The following ATXN1 variants were observed in gnomAD, a reference collection of about 807,000 sequenced individuals.
ATXN1 encodes ataxin-1.
Under a neutral mutation model 56.4 loss-of-function variants are expected in ATXN1, and 8 were observed. The observed-to-expected ratio is 0.14, with a 90% confidence interval of 0.08 to 0.26. ATXN1 has a LOEUF of 0.26. Ranked by LOEUF, ATXN1 falls within the 10% of genes least tolerant of loss-of-function variation. The pLI is 1.00. For missense variants in ATXN1, 987 were observed against 1,106.5 expected (o/e 0.89, Z 1.53); for synonymous variants, 514 against 494.6 (o/e 1.04, Z -0.52).
At position 16,760,875 on chromosome 6, in the gene ATXN1, A is replaced by G. The variant is rs1356420883; in HGVS notation, c.-730+423T>C. Among the ~76,000 whole-genome samples the G allele has an allele frequency of 6.8e-6, 1 of 146,060 alleles. No individual in the cohort carries two copies. Among genetic ancestry groups the G allele is most frequent in the African/African-American group, 2.5e-5 (1 of 39,638 alleles). ...GAGGACATGGCTCTCCGCACTTGCG[A>G]CCGGACCAGCAGCCGGGGGAGCGGG... On this transcript the variant is annotated intron_variant, in intron 1 of 7. Transcript: ENST00000436367. The surrounding 1 kb of genome is among the most constrained non-coding windows in gnomAD (Gnocchi z 5.3).
intron 4 of ATXN1, among the ~76,000 whole-genome samples, chr6:16,557,638 A>T (rs1327975141): frequency 6.6e-6 from 1 of 152,252 alleles, no homozygotes; most frequent in Non-Finnish European, 1.5e-5. Flanking sequence ...AAAGTAAAAC[A>T]GTGTGCATGG....
chr6:16,553,713 T>C (rs529144407), intron 4 of ATXN1, among the ~76,000 whole-genome samples: 3 of 152,324 alleles, frequency 2.0e-5, no homozygotes, highest in South Asian at 2.1e-4. Flanking sequence ...TGTTACCGCA[T>C]GGGCCCTCAC....
intron 2 of ATXN1, among the ~76,000 whole-genome samples, chr6:16,658,570 G>C (rs1026163476): frequency 2.0e-5 from 3 of 152,192 alleles, no homozygotes; most frequent in African/African-American, 7.2e-5. Context: ...AGCTGATAAA[G>C]CCTACACATT....
intron 6 of ATXN1, chr6:16,485,034 A>G (rs1760517084): frequency 6.6e-6 from 1 of 151,420 alleles, no homozygotes; most frequent in African/African-American, 2.4e-5. Context: ...CATATATATT[A>G]CAGAAATATA....
At chr6:16,478,706 T>C (rs1413032224) in intron 6 of ATXN1, among the ~76,000 whole-genome samples, 2 of 152,178 alleles carry the variant, frequency 1.3e-5, no homozygotes, top group Non-Finnish European at 2.9e-5. Flanking sequence ...TCTTGGATTT[T>C]AGCCCTGGAG....
Position 16,306,453 on chromosome 6 carries a change from G to A in ATXN1, c.2324C>T (p.Ser775Leu). 6.2e-7 allele frequency: 1 copy of A among 1,614,092 alleles called. No homozygotes were observed. Among genetic ancestry groups the A allele is most frequent in the Non-Finnish European group, 8.5e-7 (1 of 1,180,024 alleles). Residue 775 changes from serine to leucine, a missense_variant, in exon 8 of 8, where the codon TCG (serine) becomes TTG (leucine). Physicochemically the swap from Ser to Leu is moderately radical, Grantham distance 145. Around this residue, in one of 3 missense-constraint regions of ATXN1, gnomAD observed 196 missense variants for 196.7 expected, o/e 1.00. Coordinates refer to ENST00000436367, the MANE Select transcript of ATXN1 (RefSeq NM_001128164.2). The surrounding 1 kb of genome is among the most constrained non-coding windows in gnomAD (Gnocchi z 5.2). Reference protein sequence around the residue: ...KPAATRKRRWSAPESRKLEKS... With the variant: ...KPAATRKRRWLAPESRKLEKS... ...CTCCAGTTTGCGGCTCTCTGGCGCC[G>A]ACCACCTCCTCTTCCTCGTTGCCGC...
intron 3 of ATXN1, among the ~76,000 whole-genome samples, chr6:16,618,721 CAAAA>C (rs35139131): frequency 1.8e-5 from 1 of 55,854 alleles, no homozygotes. Context: ...GACTCCGTCT[CAAAA>C]AAAAAAAAAA....
Position 16,442,945 on chromosome 6 carries a change from G to T in ATXN1, c.-161+43027C>A, listed in dbSNP as rs187048677. 2.5e-3 allele frequency among the ~76,000 whole-genome samples: 381 copies of T among 152,246 alleles called. 2 individuals carry two copies. The highest frequency in any genetic ancestry group is 3.2e-3 in the Non-Finnish European group (220 of 68,016). Reference sequence around the variant, plus strand: ...GAGAATTGCTTAAACCCAGGAGGGTGAGGCTGCAGTGAGCCAAGATGGTGC... The same window carrying T: ...GAGAATTGCTTAAACCCAGGAGGGTTAGGCTGCAGTGAGCCAAGATGGTGC... On this transcript the variant is annotated intron_variant, in intron 6 of 7. Transcript: ENST00000436367.
intron 5 of ATXN1, among the ~76,000 whole-genome samples, chr6:16,509,952 G>A (rs549847983): frequency 4.5e-4 from 68 of 152,104 alleles, no homozygotes; most frequent in Middle Eastern, 3.4e-3. Context: ...AATGGCCCTC[G>A]CACGCCTCCC....
chr6:16,637,931 G>A (rs1763629956), intron 3 of ATXN1, among the ~76,000 whole-genome samples: 1 of 152,190 alleles, frequency 6.6e-6, no homozygotes, highest in African/African-American at 2.4e-5. Flanking sequence ...GCTGGCAGAG[G>A]TAGGCATAGC....
At chr6:16,488,583 T>C (rs1357637108) in intron 5 of ATXN1, among the ~76,000 whole-genome samples, 1 of 152,182 alleles carries the variant, frequency 6.6e-6, no homozygotes, top group East Asian at 1.9e-4. Flanking sequence ...TCATCCCACA[T>C]CTGGCTCAAC....
chr6:16,592,884 G>A (rs1386800155), intron 3 of ATXN1, among the ~76,000 whole-genome samples: 9 of 82,704 alleles, frequency 1.1e-4, no homozygotes, highest in African/African-American at 2.7e-4. Context: ...GTGGGGGGTT[G>A]GGGGGGGCAG....
intron 6 of ATXN1, among the ~76,000 whole-genome samples, chr6:16,484,865 G>A (rs1760508639): frequency 1.3e-5 from 2 of 150,640 alleles, no homozygotes; most frequent in Non-Finnish European, 2.9e-5. Flanking sequence ...TACAAATCTT[G>A]TAGGCAACTG....
In ATXN1 at chr6:16,341,877, ATTTTTTTTT is replaced by A. The variant is rs34092584; in HGVS notation, c.-160-13416_-160-13408del. 1.2e-4 allele frequency among the ~76,000 whole-genome samples: 10 copies of A among 86,860 alleles called. No homozygotes were observed. In the East Asian group the frequency reaches 2.6e-3, roughly 23 times the overall value. 57.0% of individuals were successfully genotyped at this position (86,860 alleles called of 152,430 possible). ...CTGTCCTTGGCAGTATGTCTCAGTG[ATTTTTTTTT>A]TTTTTTTTTTTTTGAGACGGAGTCT... On this transcript the variant is annotated intron_variant, in intron 6 of 7. Coordinates refer to ENST00000436367, the MANE Select transcript of ATXN1 (RefSeq NM_001128164.2).
At chr6:16,431,976 G>A (rs535009227) in intron 6 of ATXN1, among the ~76,000 whole-genome samples, 9 of 152,292 alleles carry the variant, frequency 5.9e-5, no homozygotes, top group East Asian at 3.9e-4. Context: ...CAGTCTCTGC[G>A]CAGGAGTTTT....
rs756568253 is a variant in ATXN1, at chr6:16,302,118, C to G, written c.*4211G>C. 2.6e-5 allele frequency: 4 copies of G among 152,634 alleles called. No individual in the cohort carries two copies. Among genetic ancestry groups the G allele is most frequent in the Non-Finnish European group, 5.9e-5 (4 of 68,044 alleles). 9.5% of individuals were successfully genotyped at this position (152,634 alleles called of 1,614,324 possible). A position where few individuals can be genotyped will look rare whatever the true frequency, so the allele number is the denominator to read the frequency against. On this transcript the variant is annotated 3_prime_UTR_variant, in exon 8 of 8. Transcript: ENST00000436367. ...TATGCGGTATCTAAGGAGTAATCCA[C>G]AAGATGCAGGAAATCCAAACATTCC...
chr6:16,620,788 A>G (rs1763306580), intron 3 of ATXN1, among the ~76,000 whole-genome samples: 1 of 152,196 alleles, frequency 6.6e-6, no homozygotes, highest in Non-Finnish European at 1.5e-5. Context: ...AGCCCCAGAA[A>G]GGGAGTCAGG....
chr6:16,700,632 C>A (rs376694815), intron 2 of ATXN1, among the ~76,000 whole-genome samples: 1 of 152,128 alleles, frequency 6.6e-6, no homozygotes, highest in South Asian at 2.1e-4. Context: ...ACAATATACC[C>A]CAGCTTCAGC....
chr6:16,700,615 G>T lies in ATXN1; in HGVS notation c.-614-42714C>A, dbSNP rs950678445. On this transcript the variant is annotated intron_variant, in intron 2 of 7. Transcript: ENST00000436367. ...TTTTCCTGCCGCGGTTGCCATGGCC[G>T]ACCCAAACAATATACCCCAGCTTCA... 4.6e-5 allele frequency among the ~76,000 whole-genome samples: 7 copies of T among 152,176 alleles called. No individual in the cohort carries two copies. In the South Asian group the frequency reaches 8.3e-4, roughly 18 times the overall value.
Sources: gnomAD v4.1 joint callset for allele counts (sites outside exome capture counted in the v4.1 genomes callset) on GRCh38, gnomAD v4.1.1 for gene constraint, gnomAD v4.1.1 regional missense constraint, Gnocchi (gnomAD v3.1) non-coding constraint, MANE v1.5 for transcripts, NCBI Gene and HGNC (gene_info 2026-07-23, HGNC 2026-07-21) for gene names.